Variants in HSD17B11 observed in about 807,000 individuals in gnomAD.
The protein encoded by HSD17B11 is hydroxysteroid 17-beta dehydrogenase 11, also known as estradiol 17-beta-dehydrogenase 11.
Under a neutral mutation model 27.8 loss-of-function variants are expected in HSD17B11, and 22 were observed. The ratio of observed to expected loss-of-function variants is 0.79; its 90% CI spans 0.56 to 1.13. HSD17B11 has a LOEUF of 1.13. Ranked by LOEUF, HSD17B11 falls within the 50% of genes most tolerant of loss-of-function variation. The pLI is 0.00. For missense variants in HSD17B11, 314 were observed against 351.1 expected, an observed-to-expected ratio of 0.89 and a Z score of 0.84; for synonymous variants, 117 against 132.8, an observed-to-expected ratio of 0.88 and a Z score of 0.82.
chr4:87,379,206 C>A (rs1487284164), intron 2 of HSD17B11, among the ~76,000 whole-genome samples: 1 of 148,922 alleles, frequency 6.7e-6, no homozygotes, highest in Non-Finnish European at 1.5e-5. Flanking sequence ...ACCATGTTGC[C>A]CAGGCTGATC....
At chr4:87,362,723 G>T (rs1735540164) in intron 4 of HSD17B11, among the ~76,000 whole-genome samples, 1 of 152,054 alleles carries the variant, frequency 6.6e-6, no homozygotes. Flanking sequence ...CAGGATCGTG[G>T]GACATGGGGA....
At chr4:87,366,048 G>C (rs754124229) in intron 4 of HSD17B11, 3 of 152,142 alleles carry the variant, frequency 2.0e-5, no homozygotes, top group Non-Finnish European at 4.4e-5. Context: ...TAGAGACAGG[G>C]TTTCTCCATG....
At chr4:87,370,758 T>A (rs13126720) in intron 4 of HSD17B11, among the ~76,000 whole-genome samples, 38 of 78,770 alleles carry the variant, frequency 4.8e-4, no homozygotes, top group South Asian at 4.0e-3. Flanking sequence ...TATTATTATT[T>A]TTTTTTTTTT....
At chr4:87,370,686 G>A (rs2110123947) in intron 4 of HSD17B11, among the ~76,000 whole-genome samples, 1 of 149,766 alleles carries the variant, frequency 6.7e-6, no homozygotes. Flanking sequence ...CAAAGTGCTG[G>A]GATTACAGGC....
intron 4 of HSD17B11, among the ~76,000 whole-genome samples, chr4:87,365,280 C>T (rs559085377): frequency 1.0e-3 from 156 of 152,222 alleles, no homozygotes; most frequent in African/African-American, 3.6e-3. Context: ...AAAGTAAGTG[C>T]GTAAATATTT....
intron 4 of HSD17B11, among the ~76,000 whole-genome samples, chr4:87,359,560 C>T (rs770637046): frequency 8.5e-5 from 13 of 152,170 alleles, no homozygotes; most frequent in African/African-American, 1.2e-4. Flanking sequence ...ATGTGGGTCT[C>T]GCTACGTTGC....
chr4:87,368,299 A>G (rs964313833), intron 4 of HSD17B11, among the ~76,000 whole-genome samples: 1 of 152,164 alleles, frequency 6.6e-6, no homozygotes, highest in Non-Finnish European at 1.5e-5. Context: ...CCTGGGTGAC[A>G]GAGCGAGACT....
chr4:87,373,856 C>G (rs10222732), intron 3 of HSD17B11, among the ~76,000 whole-genome samples: 38,683 of 152,162 alleles, frequency 0.25, 5,036 homozygotes, highest in Admixed American at 0.29. Flanking sequence ...ATCCCAAACT[C>G]ACATCCAAGA....
intron 4 of HSD17B11, among the ~76,000 whole-genome samples, chr4:87,364,205 G>A (rs1448985222): frequency 2.0e-5 from 3 of 146,994 alleles, no homozygotes; most frequent in South Asian, 2.2e-4. Context: ...AAGGCCCGTA[G>A]ATAACTTCTG....
At chr4:87,374,639 C>G in intron 3 of HSD17B11, 60 bp downstream of exon 3, 1 of 1,505,028 alleles carries the variant, frequency 6.6e-7, no homozygotes, top group Non-Finnish European at 9.0e-7. Flanking sequence ...CTGCTAAAAG[C>G]CCCACTTTAA....
chr4:87,372,000 T>C (rs1390360938), intron 4 of HSD17B11, among the ~76,000 whole-genome samples: 2 of 152,124 alleles, frequency 1.3e-5, no homozygotes, highest in Admixed American at 1.3e-4. Flanking sequence ...CTCAGCACTT[T>C]GGTAGGCCGA....
chr4:87,382,473 G>T, intron 1 of HSD17B11, 111 bp from the exon 2 acceptor site: 1 of 681,892 alleles, frequency 1.5e-6, no homozygotes. Context: ...CTTTCCATTT[G>T]AATTGGGCAA....
intron 2 of HSD17B11, among the ~76,000 whole-genome samples, chr4:87,380,528 A>G (rs906481782): frequency 3.3e-5 from 5 of 151,374 alleles, no homozygotes; most frequent in African/African-American, 1.2e-4. Flanking sequence ...AAAAGTTCTG[A>G]TACTAAAATG....
rs1165770162 is a variant in HSD17B11 at position 87,370,720 on chromosome 4, ATAT to A, written c.557+1986_557+1988del. ...GCGTGAGCCTCCACGCCTGGCCTAGATATTATTATTATTATTATTATTATTATT... is the reference window on the plus strand; with the variant it reads ...GCGTGAGCCTCCACGCCTGGCCTAGATATTATTATTATTATTATTATTATT... On this transcript the variant is annotated intron_variant, in intron 4 of 6. Coordinates refer to ENST00000358290, the MANE Select transcript of HSD17B11 (RefSeq NM_016245.5). Among the ~76,000 whole-genome samples, 376 of 75,296 alleles carry A rather than the reference ATAT, an allele frequency of 5.0e-3. 14 individuals carry two copies. The highest frequency in any genetic ancestry group is 0.035 in the Middle Eastern group (5 of 144). The allele number at this position is 75,296 out of a possible 152,430, so 49.4% of individuals were successfully genotyped here. A position where few individuals can be genotyped will look rare whatever the true frequency, so the allele number is the denominator to read the frequency against.
chr4:87,361,603 T>TA (rs964190282), intron 4 of HSD17B11, among the ~76,000 whole-genome samples: 38 of 151,926 alleles, frequency 2.5e-4, no homozygotes, highest in Non-Finnish European at 4.7e-4. Context: ...CCGTCTCTAC[T>TA]AAAAATACAA....
Position 87,382,322 on chromosome 4 carries a change from C to A in HSD17B11, c.251G>T (p.Gly84Val). ...TACCACAAAGGTATGAACCTTGGCA[C>A]CCAGTCCCTTGCATTTGGCAGCTGT... ...EETAAKCKGLGAKVHTFVVDC... is the reference protein window; with the variant it reads ...EETAAKCKGLVAKVHTFVVDC... Residue 84 changes from glycine to valine, a missense_variant, in exon 2 of 7, where the codon GGT (glycine) becomes GTT (valine). Coordinates refer to ENST00000358290, the MANE Select transcript of HSD17B11 (RefSeq NM_016245.5). 6.2e-7 allele frequency: 1 copy of A among 1,613,982 alleles called. No homozygotes were observed. The highest frequency in any genetic ancestry group is 1.1e-5 in the South Asian group (1 of 91,074).
intron 4 of HSD17B11, among the ~76,000 whole-genome samples, chr4:87,357,949 A>ATTTTTTTTTTT (rs57139706): frequency 0.02 from 1,577 of 80,228 alleles, 238 homozygotes; most frequent in Non-Finnish European, 0.028. Context: ...CATTAGAGAA[A>ATTTTTTTTTTT]TTTTTTTTTT....
chr4:87,345,423 T>C (rs1249544461), intron 5 of HSD17B11, among the ~76,000 whole-genome samples: 1 of 143,860 alleles, frequency 7.0e-6, no homozygotes, highest in Non-Finnish European at 1.5e-5. Flanking sequence ...AAACAAAAAA[T>C]AAAAACAAAC....
rs58297196 is a variant in HSD17B11, at chr4:87,391,099, GTTTT to G, written c.-33_-30del. The G allele has an allele frequency of 4.4e-5, 57 of 1,291,308 alleles. No individual in the cohort carries two copies. The highest frequency in any genetic ancestry group is 7.4e-5 in the Admixed American group (3 of 40,734). The allele number at this position is 1,291,308 out of a possible 1,614,324, so 80.0% of individuals were successfully genotyped here. On this transcript the variant is annotated 5_prime_UTR_variant, in exon 1 of 7. Coordinates refer to ENST00000358290, the MANE Select transcript of HSD17B11 (RefSeq NM_016245.5). ...TTTTGTGGCTGCGAGCGTTTGGTGT[GTTTT>G]TTTTTTTTTTTACCACTCTAAACTG...
Sources: gnomAD v4.1 joint callset for allele counts (sites outside exome capture counted in the v4.1 genomes callset) on GRCh38, gnomAD v4.1.1 for gene constraint, MANE v1.5 for transcripts, NCBI Gene and HGNC (gene_info 2026-07-23, HGNC 2026-07-21) for gene names.